BANK1: variants seen among roughly 807,000 people sequenced by gnomAD.
BANK1 encodes B cell scaffold protein with ankyrin repeats 1.
BANK1 carries 95 observed loss-of-function variants against 94.5 expected under a neutral mutation model. That is an observed-to-expected ratio of 1.00 (90% CI 0.85 to 1.19). The LOEUF is 1.19. BANK1 is among the 50% of genes most tolerant of loss of function. The pLI is 0.00. For missense variants in BANK1, 987 were observed against 932.2 expected, an observed-to-expected ratio of 1.06 and a Z score of -0.77; for synonymous variants, 334 against 308.4, an observed-to-expected ratio of 1.08 and a Z score of -0.87.
chr4:102,030,371 A>C (rs1727255445), intron 10 of BANK1, 106 bp downstream of exon 10: 1 of 1,178,870 alleles, frequency 8.5e-7, no homozygotes, highest in Non-Finnish European at 1.2e-6. Flanking sequence ...AACTCCAAAG[A>C]GTAAACATTT....
chr4:102,060,115 G>C (rs1440764599), intron 11 of BANK1, 96 bp from the exon 12 acceptor site: 1 of 1,125,206 alleles, frequency 8.9e-7, no homozygotes, highest in Non-Finnish European at 1.2e-6. Flanking sequence ...AGAGAGTTAA[G>C]AAGAAGCTAC....
chr4:101,847,694 C>T (rs1256724570), intron 2 of BANK1, among the ~76,000 whole-genome samples: 1 of 151,502 alleles, frequency 6.6e-6, no homozygotes, highest in African/African-American at 2.4e-5. Context: ...ACTGCAAATG[C>T]TGTTAATTCA....
At chr4:101,838,083 C>T (rs539798786) in intron 2 of BANK1, among the ~76,000 whole-genome samples, 1 of 152,250 alleles carries the variant, frequency 6.6e-6, no homozygotes, top group African/African-American at 2.4e-5. Context: ...CCTCAGCCTC[C>T]TGAGTAGCTG....
At position 101,917,884 on chromosome 4, in the gene BANK1, TCTG is replaced by T. The variant is rs969768211; in HGVS notation, c.1010-105_1010-103del. ...TATTGATAGTTTCTTACACAAAAAG[TCTG>T]CTGTGCTTTATGGGAATTACTTTTA... On this transcript the variant is annotated intron_variant, in intron 6 of 16. Transcript: ENST00000322953. The T allele has an allele frequency of 2.0e-5, 13 of 659,992 alleles. No homozygotes were observed. The African/African-American group carries it at 2.2e-4, about 11-fold the overall frequency. The allele number at this position is 659,992 out of a possible 1,614,324, so 40.9% of individuals were successfully genotyped here.
At chr4:101,959,219 A>G (rs947689816) in intron 7 of BANK1, among the ~76,000 whole-genome samples, 2 of 151,756 alleles carry the variant, frequency 1.3e-5, no homozygotes, top group Non-Finnish European at 2.9e-5. Context: ...AGCTCACTGC[A>G]ACCTCCACCT....
At chr4:101,890,872 C>T (rs529959393) in intron 5 of BANK1, among the ~76,000 whole-genome samples, 9 of 151,472 alleles carry the variant, frequency 5.9e-5, no homozygotes, top group East Asian at 1.9e-4. Flanking sequence ...TATAGTCTAG[C>T]GCTGTCTTCA....
At chr4:101,893,516 CTAA>C (rs1721953834) in intron 5 of BANK1, among the ~76,000 whole-genome samples, 1 of 152,032 alleles carries the variant, frequency 6.6e-6, no homozygotes, top group Admixed American at 6.6e-5. Context: ...AATTTACAAA[CTAA>C]TGTTATGATT....
At chr4:101,822,654 T>C (rs13112246) in intron 1 of BANK1, among the ~76,000 whole-genome samples, 58,676 of 149,942 alleles carry the variant, frequency 0.39, 11,638 homozygotes, top group Admixed American at 0.45. Context: ...CTCGCTCTGT[T>C]GCCCAGGCTG....
intron 2 of BANK1, among the ~76,000 whole-genome samples, chr4:101,854,306 AAC>A (rs1425070167): frequency 7.2e-5 from 11 of 152,188 alleles, no homozygotes; most frequent in Admixed American, 2.0e-4. Flanking sequence ...TATTTCTCTT[AAC>A]ACATTTTTTC....
chr4:101,996,662 A>T (rs1258936059), intron 7 of BANK1, among the ~76,000 whole-genome samples: 1 of 152,124 alleles, frequency 6.6e-6, no homozygotes, highest in African/African-American at 2.4e-5. Context: ...TGTAAGTTGT[A>T]TTCCTAGGTA....
At chr4:101,860,373 T>A (rs1389974595) in intron 3 of BANK1, among the ~76,000 whole-genome samples, 1 of 152,140 alleles carries the variant, frequency 6.6e-6, no homozygotes, top group African/African-American at 2.4e-5. Flanking sequence ...GTTTGTCTTT[T>A]GCTTAGAACA....
chr4:102,031,635 A>T (rs1356429505), intron 10 of BANK1, among the ~76,000 whole-genome samples: 1 of 152,212 alleles, frequency 6.6e-6, no homozygotes, highest in African/African-American at 2.4e-5. Context: ...AGGGAACATG[A>T]AACCATAGGA....
In BANK1 at chr4:101,790,872, A is replaced by G. The variant is rs774057143; in HGVS notation, c.-9A>G. The G allele has an allele frequency of 2.7e-5, 41 of 1,536,978 alleles. No homozygotes were observed. The highest frequency in any genetic ancestry group is 1.9e-4 in the Middle Eastern group (1 of 5,392). Reference sequence around the variant, plus strand: ...GCAGTGCGCAGGCCCCTCGGCTTCAACCGCCACAATGCTGCCAGCAGCGCC... The same window carrying G: ...GCAGTGCGCAGGCCCCTCGGCTTCAGCCGCCACAATGCTGCCAGCAGCGCC... On this transcript the variant is annotated 5_prime_UTR_variant, in exon 1 of 17. Coordinates refer to ENST00000322953, the MANE Select transcript of BANK1 (RefSeq NM_017935.5).
Position 101,862,577 on chromosome 4 carries a change from G to T in BANK1, c.676G>T (p.Val226Leu). 1 of 1,610,988 alleles carries T rather than the reference G, an allele frequency of 6.2e-7. No individual in the cohort carries two copies. The highest frequency in any genetic ancestry group is 1.3e-5 in the African/African-American group (1 of 74,922). ...ILRDEVIGDT[V>L]EVEFTSSNKR... Reference sequence around the variant, plus strand: ...GAGAGATGAAGTAATTGGTGATACTGTAGAGGTTGAATTTACATCAAGTAA... The same window carrying T: ...GAGAGATGAAGTAATTGGTGATACTTTAGAGGTTGAATTTACATCAAGTAA... The change falls in exon 4 of 17, where the codon GTA becomes TTA. Residue 226 changes from valine (V) to leucine (L), a missense_variant. By Grantham distance (32) the Val-to-Leu change is conservative. Coordinates refer to ENST00000322953, the MANE Select transcript of BANK1 (RefSeq NM_017935.5).
In BANK1 at chr4:102,030,271, T is replaced by C; in HGVS notation, c.1900+6T>C. Reference sequence around the variant, plus strand: ...TACACCTTACATAGCTCAAGGTAATTATCATTGTTGTTTGTTTACTTGTTA... The same window carrying C: ...TACACCTTACATAGCTCAAGGTAATCATCATTGTTGTTTGTTTACTTGTTA... On this transcript the variant is annotated splice_donor_region_variant and intron_variant, in intron 10 of 16. Transcript: ENST00000322953. The C allele has an allele frequency of 1.9e-6, 3 of 1,559,554 alleles. No individual in the cohort carries two copies. The highest frequency in any genetic ancestry group is 1.7e-6 in the Non-Finnish European group (2 of 1,159,940).
chr4:102,063,419 T>C (rs745416634), intron 13 of BANK1, among the ~76,000 whole-genome samples: 1 of 151,976 alleles, frequency 6.6e-6, no homozygotes, highest in Non-Finnish European at 1.5e-5. Flanking sequence ...GAGAATATGA[T>C]AAGTATTTTA....
At chr4:101,795,763 G>A (rs965698603) in intron 1 of BANK1, among the ~76,000 whole-genome samples, 1 of 152,064 alleles carries the variant, frequency 6.6e-6, no homozygotes, top group African/African-American at 2.4e-5. Flanking sequence ...ACTACTTTAA[G>A]TACTTATTTG....
intron 7 of BANK1, among the ~76,000 whole-genome samples, chr4:101,996,978 T>G (rs1344464585): frequency 2.0e-5 from 3 of 151,946 alleles, no homozygotes; most frequent in African/African-American, 7.3e-5. Context: ...TGAATAGGAG[T>G]GGTGAGAGAG....
chr4:101,799,387 A>T (rs7676906), intron 1 of BANK1, among the ~76,000 whole-genome samples: 83,488 of 152,018 alleles, frequency 0.55, 23,027 homozygotes, highest in South Asian at 0.68. Flanking sequence ...GTTTGAAGTC[A>T]GGTAGCATGA....
Sources: gnomAD v4.1 joint callset for allele counts (sites outside exome capture counted in the v4.1 genomes callset) on GRCh38, gnomAD v4.1.1 for gene constraint, MANE v1.5 for transcripts, NCBI Gene and HGNC (gene_info 2026-07-23, HGNC 2026-07-21) for gene names.